The following MGLL variants were observed in gnomAD, a reference collection of about 807,000 sequenced individuals.
The protein encoded by MGLL is monoglyceride lipase.
In MGLL, 7 loss-of-function variants were observed where a neutral mutation model predicts 29.1. The observed-to-expected ratio is 0.24, with a 90% CI of 0.14 to 0.45. The LOEUF (loss-of-function observed/expected upper bound fraction) is 0.45. Ranked by LOEUF, MGLL falls within the 20% of genes least tolerant of loss-of-function variation. The probability of loss-of-function intolerance (pLI) is 0.99; values close to 1 mark genes in which losing one functional copy is unlikely to be tolerated. For synonymous variants in MGLL, 148 were observed against 168.3 expected (o/e 0.88, Z 0.93); for missense variants, 356 against 413.6 (o/e 0.86, Z 1.21).
chr3:127,788,989 C>T (rs192198351), intron 2 of MGLL, among the ~76,000 whole-genome samples: 1 of 152,312 alleles, frequency 6.6e-6, no homozygotes, highest in Admixed American at 6.5e-5. Flanking sequence ...TTTGAAAGCA[C>T]TCAATGCCCC....
chr3:127,782,778 A>G (rs1432224904), intron 2 of MGLL, among the ~76,000 whole-genome samples: 1 of 152,112 alleles, frequency 6.6e-6, no homozygotes, highest in Non-Finnish European at 1.5e-5. Flanking sequence ...ACAAGCTGCC[A>G]CCTTCCTGAG....
At position 127,745,059 on chromosome 3, in the gene MGLL, C is replaced by T. The variant is rs78523706; in HGVS notation, c.263-22493G>A. On this transcript the variant is annotated intron_variant, in intron 3 of 7. Transcript: ENST00000265052. Reference sequence around the variant, plus strand: ...AGCAGGCAGGCAATGGCATCAGATCCGGGTACAGACCACAGCTGCTACGTC... The same window carrying T: ...AGCAGGCAGGCAATGGCATCAGATCTGGGTACAGACCACAGCTGCTACGTC... Among the ~76,000 whole-genome samples, 469 of 152,304 alleles carry T rather than the reference C, an allele frequency of 3.1e-3. 4 individuals carry two copies. The highest frequency in any genetic ancestry group is 0.01 in the African/African-American group (434 of 41,556).
At chr3:127,804,678 G>A (rs971696787) in intron 2 of MGLL, among the ~76,000 whole-genome samples, 2 of 152,198 alleles carry the variant, frequency 1.3e-5, no homozygotes, top group Non-Finnish European at 2.9e-5. Context: ...CACAGAGCCA[G>A]TTTTATTGAC....
chr3:127,709,178 T>G (rs1160108553), intron 6 of MGLL, among the ~76,000 whole-genome samples: 1 of 152,204 alleles, frequency 6.6e-6, no homozygotes, highest in East Asian at 1.9e-4. Context: ...AATTAAAGTT[T>G]TTTTCCTTTA....
At chr3:127,742,968 C>G (rs2107657336) in intron 3 of MGLL, among the ~76,000 whole-genome samples, 1 of 152,342 alleles carries the variant, frequency 6.6e-6, no homozygotes, top group Non-Finnish European at 1.5e-5. Flanking sequence ...GTGCCCACCA[C>G]CATGCCCGTG....
intron 3 of MGLL, among the ~76,000 whole-genome samples, chr3:127,763,677 G>A (rs184481809): frequency 7.2e-5 from 11 of 152,272 alleles, no homozygotes; most frequent in Admixed American, 3.3e-4. Flanking sequence ...CCCTAAGCTC[G>A]GCCACTGTGG....
chr3:127,794,463 T>C (rs1223068415), intron 2 of MGLL, among the ~76,000 whole-genome samples: 2 of 152,186 alleles, frequency 1.3e-5, no homozygotes, highest in Non-Finnish European at 2.9e-5. Flanking sequence ...TCTTATATGA[T>C]GTAAGGCTGT....
At position 127,735,605 on chromosome 3, in the gene MGLL, C is replaced by A. The variant is rs557787524; in HGVS notation, c.263-13039G>T. On this transcript the variant is annotated intron_variant, in intron 3 of 7. Coordinates refer to ENST00000265052, the MANE Select transcript of MGLL (RefSeq NM_007283.7). ...GTGATAAACACATAAAATAAAAAAG[C>A]AAGAGAATGAAACACAAATTCCAAG... 9 of 1,252,344 alleles carry A rather than the reference C, an allele frequency of 7.2e-6. No individual in the cohort carries two copies. In the African/African-American group the frequency reaches 9.0e-5, roughly 12 times the overall value. 77.6% of individuals were successfully genotyped at this position (1,252,344 alleles called of 1,614,324 possible). A position where few individuals can be genotyped will look rare whatever the true frequency, so the allele number is the denominator to read the frequency against.
chr3:127,694,003 G>T (rs1411974391), intron 7 of MGLL, among the ~76,000 whole-genome samples: 3 of 152,078 alleles, frequency 2.0e-5, no homozygotes, highest in African/African-American at 7.2e-5. Context: ...TGGGTGAGGT[G>T]GCTCACGCCT....
chr3:127,704,197 C>A (rs1193017187), intron 6 of MGLL, among the ~76,000 whole-genome samples: 4 of 152,118 alleles, frequency 2.6e-5, no homozygotes, highest in Non-Finnish European at 4.4e-5. Context: ...TAAACTGGAC[C>A]CCTTCCTTAC....
Position 127,821,772 on chromosome 3 carries a change from T to C in MGLL, c.77A>G (p.Tyr26Cys). ...SPRRTPQSIP[Y>C]QDLPHLVNAD... ...ATTGACCAGGTGAGGGAGGTCCTGG[T>C]AGGGAATGCTCTGCGGGGTCCGCCT... is the stretch of plus-strand genomic sequence containing the variant. Residue 26 changes from tyrosine (Y) to cysteine (C), a missense_variant, in exon 2 of 8, where the codon TAC (tyrosine) becomes TGC (cysteine). Physicochemically the swap from Tyr to Cys is radical, Grantham distance 194. Transcript: ENST00000265052. The C allele has an allele frequency of 6.2e-7, 1 of 1,614,080 alleles. No homozygotes were observed. Among genetic ancestry groups the C allele is most frequent in the Non-Finnish European group, 8.5e-7 (1 of 1,179,952 alleles).
At chr3:127,765,006 G>A (rs2076831766) in intron 3 of MGLL, among the ~76,000 whole-genome samples, 1 of 152,170 alleles carries the variant, frequency 6.6e-6, no homozygotes, top group Non-Finnish European at 1.5e-5. Flanking sequence ...TGGTTAAACT[G>A]ACTCAAATTC....
intron 7 of MGLL, 141 bp downstream of exon 7, chr3:127,694,834 A>T: frequency 1.4e-6 from 1 of 722,792 alleles, no homozygotes; most frequent in South Asian, 1.6e-5. Context: ...TTATTTATTT[A>T]TTTCTCGGTC....
At chr3:127,716,825 C>T (rs911402542) in intron 5 of MGLL, among the ~76,000 whole-genome samples, 4 of 152,194 alleles carry the variant, frequency 2.6e-5, no homozygotes, top group African/African-American at 4.8e-5. Context: ...GGTCATAGGA[C>T]GGCCATGTGG....
At chr3:127,709,561 A>G (rs1018893182) in intron 6 of MGLL, among the ~76,000 whole-genome samples, 1 of 152,318 alleles carries the variant, frequency 6.6e-6, no homozygotes, top group Non-Finnish European at 1.5e-5. Context: ...CAACAGCCCA[A>G]GGAAGTCTGG....
At position 127,806,879 on chromosome 3, in the gene MGLL, T is replaced by A. The variant is rs2107744978; in HGVS notation, c.155+14815A>T. ...CCATCTCTACTAAAAATACAAAAAT[T>A]AGCCAGATTCAGTTTGCTAGTATTT... is the stretch of plus-strand genomic sequence containing the variant. On this transcript the variant is annotated intron_variant, in intron 2 of 7. Coordinates refer to ENST00000265052, the MANE Select transcript of MGLL (RefSeq NM_007283.7). Among the ~76,000 whole-genome samples, 2 of 152,298 alleles carry A rather than the reference T, an allele frequency of 1.3e-5. 1 individual carries two copies. The highest frequency in any genetic ancestry group is 4.2e-4 in the South Asian group (2 of 4,816).
intron 3 of MGLL, among the ~76,000 whole-genome samples, chr3:127,775,144 A>T (rs2077011886): frequency 6.6e-6 from 1 of 152,102 alleles, no homozygotes; most frequent in Admixed American, 6.5e-5. Flanking sequence ...AATAGCAGAG[A>T]CTATGGGGGT....
chr3:127,735,878 T>A (rs1354080091), intron 3 of MGLL: 1 of 1,575,624 alleles, frequency 6.3e-7, no homozygotes, highest in Non-Finnish European at 8.6e-7. Flanking sequence ...TTACAAGGAT[T>A]TTCTCCTGTT....
chr3:127,725,725 C>T (rs1310739408), intron 3 of MGLL, among the ~76,000 whole-genome samples: 3 of 152,136 alleles, frequency 2.0e-5, no homozygotes, highest in Admixed American at 6.5e-5. Flanking sequence ...ATTTTATTTG[C>T]TGTATACATA....
Sources: gnomAD v4.1 joint callset for allele counts (sites outside exome capture counted in the v4.1 genomes callset) on GRCh38, gnomAD v4.1.1 for gene constraint, MANE v1.5 for transcripts, NCBI Gene and HGNC (gene_info 2026-07-23, HGNC 2026-07-21) for gene names.